Variants in MVB12B observed in about 807,000 individuals in gnomAD.
The protein encoded by MVB12B is ESCRT-I complex subunit MVB12B.
In MVB12B, 16 loss-of-function variants were observed where a neutral mutation model predicts 41.6. The observed-to-expected ratio is 0.38, with a 90% CI of 0.26 to 0.58. MVB12B has a LOEUF of 0.58. Ranked by LOEUF, MVB12B falls within the 20% of genes least tolerant of loss-of-function variation. MVB12B has a pLI of 0.62. For missense variants in MVB12B, 274 were observed against 380.2 expected (o/e 0.72, Z 2.32); for synonymous variants, 133 against 139.7 (o/e 0.95, Z 0.34).
At chr9:126,423,235 T>C (rs1329115515) in intron 7 of MVB12B, among the ~76,000 whole-genome samples, 4 of 152,220 alleles carry the variant, frequency 2.6e-5, no homozygotes, top group Non-Finnish European at 5.9e-5. Flanking sequence ...TGACTTTTTT[T>C]CTGCAGCTCA....
At chr9:126,429,465 C>T (rs764821705) in intron 7 of MVB12B, among the ~76,000 whole-genome samples, 4 of 152,048 alleles carry the variant, frequency 2.6e-5, no homozygotes, top group Non-Finnish European at 4.4e-5. Flanking sequence ...TTAAACCTTC[C>T]GTCACTTAAG....
chr9:126,496,414 C>T (rs1833836833), intron 9 of MVB12B, among the ~76,000 whole-genome samples: 1 of 148,248 alleles, frequency 6.7e-6, no homozygotes, highest in African/African-American at 2.5e-5. Flanking sequence ...ACTCACTCAC[C>T]CACCCATTCA....
chr9:126,350,987 C>T (rs1048887696), intron 2 of MVB12B, among the ~76,000 whole-genome samples: 11 of 152,288 alleles, frequency 7.2e-5, no homozygotes, highest in African/African-American at 2.4e-4. Flanking sequence ...GGATTCACAT[C>T]CCCACTATGT....
At chr9:126,448,007 C>G (rs1832819042) in intron 7 of MVB12B, 1 of 152,626 alleles carries the variant, frequency 6.6e-6, no homozygotes, top group African/African-American at 2.4e-5. Context: ...GCCCCTCCTC[C>G]TCCCTCTGCT....
intron 7 of MVB12B, among the ~76,000 whole-genome samples, chr9:126,446,920 G>C (rs201848757): frequency 3.9e-5 from 1 of 25,324 alleles, no homozygotes; most frequent in Non-Finnish European, 9.8e-5. Flanking sequence ...ATCTGTATTA[G>C]TTCTTTTTTT....
In MVB12B at chr9:126,395,234, C is replaced by T. The variant is rs773659153; in HGVS notation, c.540-341C>T. Among the ~76,000 whole-genome samples, 3 of 152,160 alleles carry T rather than the reference C, an allele frequency of 2.0e-5. No individual in the cohort carries two copies. The highest frequency in any genetic ancestry group is 4.4e-5 in the Non-Finnish European group (3 of 68,032). On this transcript the variant is annotated intron_variant, in intron 5 of 9. Transcript: ENST00000361171. The surrounding 1 kb of genome is among the most constrained non-coding windows in gnomAD (Gnocchi z 4.9). ...CTGTCTCTCCTAATTGCACAAAGGACTTGATGTGGATTATCACGTCACACT... is the reference window on the plus strand; with the variant it reads ...CTGTCTCTCCTAATTGCACAAAGGATTTGATGTGGATTATCACGTCACACT...
intron 6 of MVB12B, among the ~76,000 whole-genome samples, chr9:126,409,611 T>G (rs540374180): frequency 6.6e-6 from 1 of 152,298 alleles, no homozygotes; most frequent in East Asian, 1.9e-4. Flanking sequence ...AGACCTTTCC[T>G]TTGCCACCAC....
intron 1 of MVB12B, among the ~76,000 whole-genome samples, chr9:126,336,131 C>G (rs566647338): frequency 6.6e-6 from 1 of 152,250 alleles, no homozygotes; most frequent in Non-Finnish European, 1.5e-5. Context: ...CTTTAAACTC[C>G]TCGGCCCACA....
intron 7 of MVB12B, among the ~76,000 whole-genome samples, chr9:126,470,323 G>A (rs963127058): frequency 5.9e-5 from 9 of 152,174 alleles, no homozygotes; most frequent in Admixed American, 1.3e-4. Flanking sequence ...AGTCAAGCTC[G>A]ACTTGGAAGC....
At chr9:126,499,085 C>A (rs1564353537) in intron 9 of MVB12B, among the ~76,000 whole-genome samples, 1 of 152,176 alleles carries the variant, frequency 6.6e-6, no homozygotes, top group Non-Finnish European at 1.5e-5. Flanking sequence ...TCTATTGCCC[C>A]CTCTTTGCCT....
At chr9:126,337,540 A>C (rs1829317416) in intron 1 of MVB12B, among the ~76,000 whole-genome samples, 1 of 152,166 alleles carries the variant, frequency 6.6e-6, no homozygotes. Context: ...TGGATGGGAT[A>C]TTGGTGCCTC....
At position 126,505,364 on chromosome 9, in the gene MVB12B, A is replaced by G. The variant is rs1433165921; in HGVS notation, c.*2101A>G. ...CTGATGCCGCTGCAGGCCCCTGTCG[A>G]GCTGGGGTCCCAGCCAGGTGCCCCC... On this transcript the variant is annotated 3_prime_UTR_variant, in exon 10 of 10. Coordinates refer to ENST00000361171, the MANE Select transcript of MVB12B (RefSeq NM_033446.3). 2.0e-5 allele frequency: 3 copies of G among 152,188 alleles called. No individual in the cohort carries two copies. The East Asian group carries it at 5.8e-4, about 29-fold the overall frequency. The allele number at this position is 152,188 out of a possible 1,614,324, so 9.4% of individuals were successfully genotyped here. A position where few individuals can be genotyped will look rare whatever the true frequency, so the allele number is the denominator to read the frequency against.
chr9:126,473,727 C>T lies in MVB12B; in HGVS notation c.758-7642C>T, dbSNP rs1260703512. Among the ~76,000 whole-genome samples, 1 of 152,228 alleles carries T rather than the reference C, an allele frequency of 6.6e-6. No homozygotes were observed. Among genetic ancestry groups the T allele is most frequent in the East Asian group, 1.9e-4 (1 of 5,202 alleles). On this transcript the variant is annotated intron_variant, in intron 7 of 9. Transcript: ENST00000361171. This position sits in a 1 kb window ranked among gnomAD's most constrained non-coding sequence, Gnocchi z 4.0. ...CTAAACCATCCACAAGAAATCCTCT[C>T]CCCACATAGCTCAGTCATCTCCCGC...
Position 126,505,676 on chromosome 9 carries a change from G to GTGTA in MVB12B, c.*2415_*2418dup, listed in dbSNP as rs775486665. 3.1e-5 allele frequency: 3 copies of GTGTA among 95,270 alleles called. No individual in the cohort carries two copies. Among genetic ancestry groups the GTGTA allele is most frequent in the African/African-American group, 9.2e-5 (2 of 21,634 alleles). The allele number at this position is 95,270 out of a possible 1,614,324, so 5.9% of individuals were successfully genotyped here. A position where few individuals can be genotyped will look rare whatever the true frequency, so the allele number is the denominator to read the frequency against. On this transcript the variant is annotated 3_prime_UTR_variant, in exon 10 of 10. Transcript: ENST00000361171. ...TGCCTGTGTGTGTGTGTGTGTGTGT[G>GTGTA]TGTATATGTGTGTGTGTGCACGCAC...
chr9:126,429,513 T>C (rs1832275091), intron 7 of MVB12B, among the ~76,000 whole-genome samples: 1 of 152,132 alleles, frequency 6.6e-6, no homozygotes, highest in Non-Finnish European at 1.5e-5. Context: ...GAGTGGGACA[T>C]GTCAAAAAAA....
chr9:126,338,004 T>C (rs926179803), intron 1 of MVB12B, among the ~76,000 whole-genome samples: 4 of 152,326 alleles, frequency 2.6e-5, no homozygotes, highest in South Asian at 4.1e-4. Context: ...TCAGAAAATA[T>C]GTAATTCAGG....
rs563705482 is a variant in MVB12B at position 126,367,465 on chromosome 9, C to T, written c.205-13599C>T. Among the ~76,000 whole-genome samples, 6 of 152,220 alleles carry T rather than the reference C, an allele frequency of 3.9e-5. No individual in the cohort carries two copies. The highest frequency in any genetic ancestry group is 1.9e-4 in the East Asian group (1 of 5,148). ...TTTTCTGTCCTTTCTTCTAGGGGTG[C>T]GCCTGCCCCTCTGCCCCTACTTCGT... is the stretch of plus-strand genomic sequence containing the variant. On this transcript the variant is annotated intron_variant, in intron 2 of 9. Coordinates refer to ENST00000361171, the MANE Select transcript of MVB12B (RefSeq NM_033446.3). The surrounding 1 kb of genome is among the most constrained non-coding windows in gnomAD (Gnocchi z 4.3).
intron 2 of MVB12B, among the ~76,000 whole-genome samples, chr9:126,377,392 C>T (rs926689820): frequency 6.6e-6 from 1 of 152,178 alleles, no homozygotes; most frequent in African/African-American, 2.4e-5. Context: ...AGGCAGCAAA[C>T]ACACAAGAGA....
At chr9:126,426,877 CAG>C (rs1349468552) in intron 7 of MVB12B, 2 of 152,442 alleles carry the variant, frequency 1.3e-5, no homozygotes, top group African/African-American at 4.8e-5. Flanking sequence ...TCCTCATAAA[CAG>C]GGTCCCGTGG....
Sources: gnomAD v4.1 joint callset for allele counts (sites outside exome capture counted in the v4.1 genomes callset) on GRCh38, gnomAD v4.1.1 for gene constraint, Gnocchi (gnomAD v3.1) non-coding constraint, MANE v1.5 for transcripts, NCBI Gene and HGNC (gene_info 2026-07-23, HGNC 2026-07-21) for gene names.